The following CYP3A5 variants were observed in gnomAD, a reference collection of about 807,000 sequenced individuals.
CYP3A5 encodes the protein cytochrome P450 3A5.
In CYP3A5, 51 loss-of-function variants were observed where a neutral mutation model predicts 55.9. The observed-to-expected ratio is 0.91, with a 90% CI of 0.73 to 1.15. The LOEUF (loss-of-function observed/expected upper bound fraction) is 1.15. CYP3A5 is among the 50% of genes most tolerant of loss of function. The pLI is 0.00. For synonymous variants in CYP3A5, 196 were observed against 213.9 expected (o/e 0.92, Z 0.73); for missense variants, 533 against 596.6 (o/e 0.89, Z 1.11).
At chr7:99,677,139 C>T (rs1281327866) in intron 1 of CYP3A5, 1 of 981,620 alleles carries the variant, frequency 1.0e-6, no homozygotes, top group African/African-American at 1.7e-5. Context: ...GGCAGGCCTG[C>T]CTGGAACTCA....
intron 4 of CYP3A5, 112 bp downstream of exon 4, chr7:99,672,468 G>A (rs2151443925): frequency 2.2e-6 from 2 of 903,202 alleles, no homozygotes; most frequent in Admixed American, 3.7e-5. Context: ...AGAGTACATG[G>A]AACCTTCCTG....
intron 2 of CYP3A5, 100 bp from the exon 3 acceptor site, chr7:99,674,685 C>A (rs1812048315): frequency 2.1e-6 from 2 of 934,732 alleles, no homozygotes; most frequent in Non-Finnish European, 3.3e-6. Flanking sequence ...GAAATCAGGC[C>A]TGCTATCTTT....
chr7:99,676,835 A>G lies in CYP3A5; in HGVS notation c.72-627T>C, dbSNP rs188129727. Reference sequence around the variant, plus strand: ...TTTCTACAGATTGACAACTGTGTTCATGGCTTCTATTGGCCTTATAGAAAT... The same window carrying G: ...TTTCTACAGATTGACAACTGTGTTCGTGGCTTCTATTGGCCTTATAGAAAT... On this transcript the variant is annotated intron_variant, in intron 1 of 12. Coordinates refer to ENST00000222982, the MANE Select transcript of CYP3A5 (RefSeq NM_000777.5). Among the ~76,000 whole-genome samples the G allele has an allele frequency of 2.3e-3, 355 of 152,162 alleles. 2 individuals are homozygous for G. The highest frequency in any genetic ancestry group is 4.4e-3 in the Admixed American group (67 of 15,300).
chr7:99,660,754 G>A, intron 9 of CYP3A5, 95 bp from the exon 10 acceptor site: 3 of 1,432,300 alleles, frequency 2.1e-6, no homozygotes, highest in African/African-American at 1.4e-5. Flanking sequence ...ATCCCAAGAA[G>A]AAAAAATGGA....
chr7:99,656,285 C>T (rs1170667536), intron 10 of CYP3A5, among the ~76,000 whole-genome samples: 1 of 152,146 alleles, frequency 6.6e-6, no homozygotes, highest in African/African-American at 2.4e-5. Flanking sequence ...GAGTTTTTAG[C>T]ATGAAGGGCT....
chr7:99,665,455 A>C, intron 6 of CYP3A5, 141 bp from the exon 7 acceptor site: 1 of 1,256,176 alleles, frequency 8.0e-7, no homozygotes, highest in Non-Finnish European at 1.1e-6. Flanking sequence ...ATCATCTTCC[A>C]TCTACTCCCT....
At position 99,672,795 on chromosome 7, in the gene CYP3A5, C is replaced by T. The variant is rs41301667; in HGVS notation, c.219-116G>A. ...TATGTAATCCATACCCCTAGTTGTA[C>T]GACACACAGCAACCTTAGGTTCTAG... On this transcript the variant is annotated intron_variant, in intron 3 of 12. Coordinates refer to ENST00000222982, the MANE Select transcript of CYP3A5 (RefSeq NM_000777.5). The T allele has an allele frequency of 9.1e-6, 14 of 1,537,508 alleles. No individual in the cohort carries two copies. The Admixed American group carries it at 1.0e-4, about 11-fold the overall frequency.
In CYP3A5 at chr7:99,671,741, A is replaced by G. The variant is rs1206458813; in HGVS notation, c.318+839T>C. 5.8e-6 allele frequency: 4 copies of G among 684,790 alleles called. No homozygotes were observed. The East Asian group carries it at 1.1e-4, about 18-fold the overall frequency. The allele number at this position is 684,790 out of a possible 1,614,324, so 42.4% of individuals were successfully genotyped here. Reference sequence around the variant, plus strand: ...AAATATTAATACATTGGCCTCCTCAAATAAATAAAAGTTTGCTCTGATATA... The same window carrying G: ...AAATATTAATACATTGGCCTCCTCAGATAAATAAAAGTTTGCTCTGATATA... On this transcript the variant is annotated intron_variant, in intron 4 of 12. Transcript: ENST00000222982.
intron 4 of CYP3A5, chr7:99,671,118 TGTG>T (rs1563000095): frequency 2.4e-4 from 1 of 4,138 alleles, no homozygotes; most frequent in Non-Finnish European, 3.8e-4. Flanking sequence ...ACAGACCATT[TGTG>T]TGTGTGTGTG....
chr7:99,667,175 A>G, intron 4 of CYP3A5, 110 bp from the exon 5 acceptor site: 1 of 890,684 alleles, frequency 1.1e-6, no homozygotes, highest in Non-Finnish European at 1.5e-6. Flanking sequence ...TTGACTGTAT[A>G]TGATATTATG....
intron 4 of CYP3A5, 91 bp downstream of exon 4, chr7:99,672,489 A>T: frequency 8.9e-7 from 1 of 1,129,190 alleles, no homozygotes; most frequent in Non-Finnish European, 1.3e-6. Context: ...TACATTTTTT[A>T]GGTAACCTTC....
intron 9 of CYP3A5, among the ~76,000 whole-genome samples, chr7:99,660,966 A>G (rs1243480174): frequency 1.3e-5 from 2 of 152,150 alleles, no homozygotes; most frequent in Non-Finnish European, 2.9e-5. Flanking sequence ...ACTCAGTGTT[A>G]TGGGTGTGTG....
At chr7:99,660,807 A>G in intron 9 of CYP3A5, 148 bp from the exon 10 acceptor site, 3 of 928,098 alleles carry the variant, frequency 3.2e-6, no homozygotes, top group Non-Finnish European at 3.2e-6. Flanking sequence ...TCATTCTGAT[A>G]TGTATCTTAT....
intron 5 of CYP3A5, 32 bp downstream of exon 5, chr7:99,666,920 A>G (rs768567238): frequency 3.7e-6 from 6 of 1,609,734 alleles, no homozygotes; most frequent in Non-Finnish European, 5.1e-6. Flanking sequence ...CATTCTTTAC[A>G]TTTCTAATTA....
At chr7:99,648,484 AAAAATGCTTTGCAAGCATAT>A in intron 12 of CYP3A5, 84 bp from the exon 13 acceptor site, 1 of 1,087,564 alleles carries the variant, frequency 9.2e-7, no homozygotes, top group South Asian at 1.4e-5. Context: ...AAAATATGAC[AAAAATGCTTTGCAAGCATAT>A]AAAAACGACT....
intron 4 of CYP3A5, among the ~76,000 whole-genome samples, chr7:99,668,066 C>T (rs1023799968): frequency 2.0e-5 from 3 of 152,004 alleles, no homozygotes; most frequent in African/African-American, 7.2e-5. Flanking sequence ...ATTTCTAGAA[C>T]GAATAGGTAA....
chr7:99,650,313 C>CCCCT, intron 11 of CYP3A5, 81 bp from the exon 12 acceptor site: 1 of 1,349,840 alleles, frequency 7.4e-7, no homozygotes, highest in Non-Finnish European at 1.0e-6. Context: ...TACTTAAGAA[C>CCCCT]AACCCCCCTC....
intron 10 of CYP3A5, chr7:99,659,071 TTC>T (rs1297712550): frequency 1.3e-5 from 2 of 152,250 alleles, no homozygotes; most frequent in African/African-American, 4.8e-5. Context: ...TGAAGCCTTC[TTC>T]TCTCAACTCG....
In CYP3A5 at chr7:99,666,662, C is replaced by T. The variant is rs967022729; in HGVS notation, c.460G>A (p.Asp154Asn). The change falls in exon 6 of 13, where the codon GAT becomes AAT. Residue 154 changes from aspartate (D) to asparagine (N), a missense_variant. Asp to Asn is a conservative substitution (Grantham distance 23, BLOSUM62 1). Transcript: ENST00000222982. The stretch of plus-strand genomic sequence containing the variant: ...CGCCTCAAGTTTCTCACCAATACAT[C>T]TCCATACTGGGCAATGATGGGGAAC... ...EMFPIIAQYGDVLVRNLRREA... is the reference protein window; with the variant it reads ...EMFPIIAQYGNVLVRNLRREA... 5.6e-6 allele frequency: 9 copies of T among 1,613,962 alleles called. No individual in the cohort carries two copies. Among genetic ancestry groups the T allele is most frequent in the Non-Finnish European group, 7.6e-6 (9 of 1,179,978 alleles).
Sources: allele counts gnomAD v4.1 joint callset (sites outside exome capture counted in the v4.1 genomes callset), GRCh38; gene constraint gnomAD v4.1.1; transcripts MANE v1.5; gene names NCBI Gene and HGNC (gene_info 2026-07-23, HGNC 2026-07-21).